Variants in ECI2 observed in about 807,000 individuals in gnomAD.
ECI2 encodes D3,D2-enoyl-CoA isomerase.
In ECI2, 27 loss-of-function variants were observed where a neutral mutation model predicts 38.4. That is an observed-to-expected ratio of 0.70 (90% CI 0.52 to 0.97). The LOEUF (loss-of-function observed/expected upper bound fraction) is 0.97, where lower values mean the gene tolerates loss of function less well. Ranked by LOEUF, ECI2 falls within the 50% of genes least tolerant of loss-of-function variation. The probability of loss-of-function intolerance (pLI) is 0.00; values close to 1 mark genes in which losing one functional copy is unlikely to be tolerated. For missense variants in ECI2, 470 were observed against 474.4 expected, an observed-to-expected ratio of 0.99 and a Z score of 0.09; for synonymous variants, 168 against 172.0, an observed-to-expected ratio of 0.98 and a Z score of 0.18.
intron 8 of ECI2, 165 bp downstream of exon 8, chr6:4,119,021 G>T: frequency 3.4e-6 from 2 of 581,994 alleles, no homozygotes; most frequent in Non-Finnish European, 5.8e-6. Flanking sequence ...ACTTCCCATA[G>T]CCTGATTCCT....
Position 4,130,870 on chromosome 6 carries a change from G to T in ECI2, c.214-5C>A. 1 of 1,613,492 alleles carries T rather than the reference G, an allele frequency of 6.2e-7. No homozygotes were observed. The highest frequency in any genetic ancestry group is 8.5e-7 in the Non-Finnish European group (1 of 1,179,738). On this transcript the variant is annotated splice_region_variant and splice_polypyrimidine_tract_variant and intron_variant, in intron 2 of 9. Transcript: ENST00000380118. ...GTTACAAGGTCCTTCAGTGGCCTGT[G>T]AAAAGGAGAGGGGCAATATGTTCAA...
intron 1 of ECI2, among the ~76,000 whole-genome samples, chr6:4,133,954 C>T (rs545539869): frequency 6.6e-6 from 1 of 152,324 alleles, no homozygotes; most frequent in East Asian, 1.9e-4. Context: ...AGGGAGGTAT[C>T]TGTAAGCAAC....
intron 2 of ECI2, among the ~76,000 whole-genome samples, chr6:4,131,909 G>A (rs573650832): frequency 2.6e-5 from 4 of 152,034 alleles, no homozygotes; most frequent in Admixed American, 1.3e-4. Context: ...AGGCAGTAAA[G>A]GAGGTTATGA....
chr6:4,116,934 G>A (rs1361879226), intron 9 of ECI2, among the ~76,000 whole-genome samples: 1 of 152,166 alleles, frequency 6.6e-6, no homozygotes, highest in African/African-American at 2.4e-5. Flanking sequence ...AAAGCAATCA[G>A]TCACTCACTA....
chr6:4,116,586 C>T (rs7742642), intron 9 of ECI2, among the ~76,000 whole-genome samples: 18,915 of 151,414 alleles, frequency 0.12, 1,616 homozygotes, highest in African/African-American at 0.23. Flanking sequence ...GGATTACAGG[C>T]GCCCACCACC....
intron 6 of ECI2, 49 bp from the exon 7 acceptor site, chr6:4,125,419 C>T (rs746110782): frequency 3.1e-6 from 5 of 1,609,990 alleles, no homozygotes; most frequent in South Asian, 1.1e-5. Flanking sequence ...AGCAGCATGA[C>T]TAAAGCATGG....
chr6:4,130,958 C>T (rs972141351), intron 2 of ECI2, 93 bp from the exon 3 acceptor site: 2 of 1,187,736 alleles, frequency 1.7e-6, no homozygotes, highest in African/African-American at 3.0e-5. Flanking sequence ...TACATGAATG[C>T]CTCCCCCAAA....
chr6:4,125,555 G>A (rs1299842220), intron 6 of ECI2, 185 bp from the exon 7 acceptor site: 14 of 827,586 alleles, frequency 1.7e-5, no homozygotes, highest in Admixed American at 8.4e-5. Flanking sequence ...CAGGGCATCC[G>A]TCTGAATGGC....
At chr6:4,127,133 T>C (rs950681377) in intron 5 of ECI2, among the ~76,000 whole-genome samples, 3 of 152,240 alleles carry the variant, frequency 2.0e-5, no homozygotes, top group Non-Finnish European at 2.9e-5. Flanking sequence ...CATTCTTGTG[T>C]ATATCATTTA....
intron 7 of ECI2, among the ~76,000 whole-genome samples, chr6:4,121,242 G>A (rs556071675): frequency 4.3e-4 from 65 of 152,104 alleles, no homozygotes; most frequent in East Asian, 5.8e-4. Flanking sequence ...TTAGACATAC[G>A]TATATTTTCT....
chr6:4,131,338 GC>G (rs1391806584), intron 2 of ECI2, among the ~76,000 whole-genome samples: 1 of 152,098 alleles, frequency 6.6e-6, no homozygotes, highest in Non-Finnish European at 1.5e-5. Context: ...TAGCTGAGGG[GC>G]TAGGGTGGGG....
rs1561649089 is a variant in ECI2, at chr6:4,119,216, G to T, written c.855C>A (p.Tyr285Ter). ...LGQSPEGCSS[Y>*]TFPKIMSPAK... The stretch of plus-strand genomic sequence containing the variant: ...CTGGGCTCATTATCTTCGGAAAAGT[G>T]TAAGAGGAGCATCCTTCCGGACTTT... Residue 285 changes from tyrosine (Y) to a stop codon, truncating the protein, a stop_gained, in exon 8 of 10, where the codon TAC becomes TAA. Transcript: ENST00000380118. LOFTEE classifies it high-confidence loss of function. 7.4e-6 allele frequency: 12 copies of T among 1,613,642 alleles called. No homozygotes were observed. The highest frequency in any genetic ancestry group is 1.7e-5 in the Admixed American group (1 of 59,974).
intron 6 of ECI2, 171 bp from the exon 7 acceptor site, chr6:4,125,541 C>G (rs1773092709): frequency 1.1e-6 from 1 of 900,076 alleles, no homozygotes; most frequent in Admixed American, 2.7e-5. Context: ...GCACCAGATT[C>G]ATCCAGGGCA....
chr6:4,126,189 T>C lies in ECI2; in HGVS notation c.620A>G (p.Asp207Gly), dbSNP rs1157029670. Reference protein sequence around the residue: ...SSGNDLTNFTDIPPGGVEEKA... With the variant: ...SSGNDLTNFTGIPPGGVEEKA... ...CTCCTCTACTCCACCAGGGGGAATA[T>C]CAGTGAAGTTAGTCAGATCATTCCC... Residue 207 changes from aspartate (D) to glycine (G), a missense_variant, in exon 6 of 10, where the codon GAT (aspartate) becomes GGT (glycine). By Grantham distance (94) the Asp-to-Gly change is moderately conservative (BLOSUM62 -1). Coordinates refer to ENST00000380118, the MANE Select transcript of ECI2 (RefSeq NM_206836.3). The C allele has an allele frequency of 1.9e-6, 3 of 1,613,898 alleles. No individual in the cohort carries two copies. Among genetic ancestry groups the C allele is most frequent in the Non-Finnish European group, 2.5e-6 (3 of 1,179,958 alleles).
At chr6:4,129,249 A>G (rs1773377319) in intron 4 of ECI2, among the ~76,000 whole-genome samples, 1 of 152,110 alleles carries the variant, frequency 6.6e-6, no homozygotes, top group African/African-American at 2.4e-5. Flanking sequence ...AGTAGCTGGG[A>G]CTATAGGTGC....
At chr6:4,121,904 A>T (rs764470128) in intron 7 of ECI2, 4 of 1,117,850 alleles carry the variant, frequency 3.6e-6, no homozygotes, top group Non-Finnish European at 5.1e-6. Context: ...CAATATTTTT[A>T]AAAGTTTCTG....
chr6:4,125,559 G>A (rs2113988608), intron 6 of ECI2, 189 bp from the exon 7 acceptor site: 2 of 791,046 alleles, frequency 2.5e-6, no homozygotes, highest in Non-Finnish European at 3.9e-6. Flanking sequence ...GCATCCGTCT[G>A]AATGGCAGTG....
intron 7 of ECI2, among the ~76,000 whole-genome samples, chr6:4,124,577 A>C (rs972265454): frequency 6.6e-5 from 10 of 152,210 alleles, no homozygotes; most frequent in Admixed American, 5.2e-4. Flanking sequence ...TAAACAAGAT[A>C]AGTTAATAAC....
intron 8 of ECI2, 91 bp from the exon 9 acceptor site, chr6:4,117,542 C>T: frequency 1.3e-6 from 2 of 1,502,488 alleles, no homozygotes; most frequent in Non-Finnish European, 1.8e-6. Context: ...GAGAGATGTA[C>T]TCATGGTCTT....
Sources: allele counts gnomAD v4.1 joint callset (sites outside exome capture counted in the v4.1 genomes callset), GRCh38; gene constraint gnomAD v4.1.1; transcripts MANE v1.5; gene names NCBI Gene and HGNC (gene_info 2026-07-23, HGNC 2026-07-21).